KMT2C: variants seen among roughly 807,000 people sequenced by gnomAD.
KMT2C encodes the protein lysine methyltransferase 2C, also known as histone-lysine N-methyltransferase 2C.
A neutral mutation model predicts 507.9 loss-of-function variants in KMT2C; 88 were observed. The ratio of observed to expected loss-of-function variants is 0.17; its 90% CI spans 0.15 to 0.21. The LOEUF (loss-of-function observed/expected upper bound fraction) is 0.21, where lower values mean the gene tolerates loss of function less well. Ranked by LOEUF, KMT2C falls within the 10% of genes least tolerant of loss-of-function variation. The probability of loss-of-function intolerance (pLI) is 1.00; values close to 1 mark genes in which losing one functional copy is unlikely to be tolerated. For missense variants in KMT2C, 4,954 were observed against 5,957.8 expected (o/e 0.83, Z 5.55); for synonymous variants, 2,049 against 2,080.8 (o/e 0.98, Z 0.42).
chr7:152,250,977 A>T lies in KMT2C; in HGVS notation c.1622-11T>A. The T allele has an allele frequency of 7.0e-7, 1 of 1,419,998 alleles. No homozygotes were observed. Among genetic ancestry groups the T allele is most frequent in the South Asian group, 1.2e-5 (1 of 85,446 alleles). The allele number at this position is 1,419,998 out of a possible 1,614,324, so 88.0% of individuals were successfully genotyped here. On this transcript the variant is annotated splice_polypyrimidine_tract_variant and intron_variant, in intron 11 of 58. Coordinates refer to ENST00000262189, the MANE Select transcript of KMT2C (RefSeq NM_170606.3). ...TTTCATTGTTATAATCTTAACAAAA[A>T]ATTATTAATTCTTTAGCTCAGAATG...
intron 23 of KMT2C, 61 bp from the exon 24 acceptor site, chr7:152,207,489 A>C (rs1449980412): frequency 7.0e-7 from 1 of 1,438,814 alleles, no homozygotes; most frequent in African/African-American, 1.4e-5. Context: ...TAATCCCTAC[A>C]TAATGGGGAA....
rs1491309235 is a variant in KMT2C, at chr7:152,178,015, T to TTAAAAAAAAAAAA, written c.7443-6_7443-5insTTTTTTTTTTTTA. On this transcript the variant is annotated splice_polypyrimidine_tract_variant and splice_region_variant and intron_variant, in intron 37 of 58. Coordinates refer to ENST00000262189, the MANE Select transcript of KMT2C (RefSeq NM_170606.3). ...CTACCTCCTGGAAATCCAAATCTTT[T>TTAAAAAAAAAAAA]AAAAAAAAAAAAAAAAAAAAAAAAA... is the stretch of plus-strand genomic sequence containing the variant. 43 of 811,048 alleles carry TTAAAAAAAAAAAA rather than the reference T, an allele frequency of 5.3e-5. No individual in the cohort carries two copies. The South Asian group carries it at 5.7e-4, about 11-fold the overall frequency. The allele number at this position is 811,048 out of a possible 1,614,324, so 50.2% of individuals were successfully genotyped here. A position where few individuals can be genotyped will look rare whatever the true frequency, so the allele number is the denominator to read the frequency against.
chr7:152,388,548 A>ACC (rs1554701134), intron 1 of KMT2C, among the ~76,000 whole-genome samples: 4 of 144,134 alleles, frequency 2.8e-5, no homozygotes, highest in African/African-American at 1.1e-4. Context: ...ACAGAGCGAG[A>ACC]CTGTCTCAAA....
At chr7:152,312,761 G>C (rs1341975462) in intron 4 of KMT2C, among the ~76,000 whole-genome samples, 1 of 152,144 alleles carries the variant, frequency 6.6e-6, no homozygotes, top group Non-Finnish European at 1.5e-5. Flanking sequence ...AATGGCTATT[G>C]TACTTAATTA....
chr7:152,289,019 A>G (rs552224502), intron 6 of KMT2C, among the ~76,000 whole-genome samples: 10 of 152,428 alleles, frequency 6.6e-5, no homozygotes, highest in Admixed American at 3.3e-4. Context: ...AACTACACCA[A>G]AAGAATAGTG....
rs2093220919 is a variant in KMT2C, at chr7:152,176,586, G to A, written c.8867C>T (p.Pro2956Leu). ...SPSNHVSSLP[P>L]FIAPPGRVLD... ...AACACGGCCAGGCGGTGCTATGAAA[G>A]GAGGCAAACTTGACACATGATTGGA... Residue 2956 changes from proline (P) to leucine (L), a missense_variant, in exon 38 of 59, where the codon CCT becomes CTT. By Grantham distance (98) the Pro-to-Leu change is moderately conservative. Transcript: ENST00000262189. The A allele has an allele frequency of 6.2e-7, 1 of 1,614,178 alleles. No homozygotes were observed. The highest frequency in any genetic ancestry group is 8.5e-7 in the Non-Finnish European group (1 of 1,180,018).
chr7:152,166,198 C>T (rs1230698278), intron 42 of KMT2C, among the ~76,000 whole-genome samples: 1 of 150,428 alleles, frequency 6.6e-6, no homozygotes, highest in Non-Finnish European at 1.5e-5. Flanking sequence ...GCTCGGCTCA[C>T]CACAACCTCT....
At position 152,183,099 on chromosome 7, in the gene KMT2C, C is replaced by G. The variant is rs375389693; in HGVS notation, c.5140G>C (p.Asp1714His). The change falls in exon 35 of 59, where the codon GAT becomes CAT. Residue 1714 changes from aspartate (D) to histidine (H), a missense_variant. Coordinates refer to ENST00000262189, the MANE Select transcript of KMT2C (RefSeq NM_170606.3). ...LRINKVQMSN[D>H]SMKRQQQQDS... ...TGCTGTTGCTGCCTTTTCATGGAAT[C>G]ATTTGACATCTGTACTTTATTAATG... 3.1e-6 allele frequency: 5 copies of G among 1,612,794 alleles called. No homozygotes were observed. The African/African-American group carries it at 6.7e-5, about 22-fold the overall frequency.
At chr7:152,425,492 G>A (rs565424671) in intron 1 of KMT2C, among the ~76,000 whole-genome samples, 20 of 152,206 alleles carry the variant, frequency 1.3e-4, no homozygotes, top group Non-Finnish European at 1.5e-4. Context: ...AAGGAGAATC[G>A]CTGGAACCAG....
At chr7:152,202,024 C>T (rs950346623) in intron 26 of KMT2C, among the ~76,000 whole-genome samples, 37 of 152,106 alleles carry the variant, frequency 2.4e-4, no homozygotes, top group African/African-American at 7.7e-4. Context: ...AGTTGAAAGG[C>T]AATGTATTTT....
intron 3 of KMT2C, among the ~76,000 whole-genome samples, chr7:152,316,568 T>C (rs1021438755): frequency 2.6e-5 from 4 of 152,114 alleles, no homozygotes; most frequent in African/African-American, 9.7e-5. Flanking sequence ...TATACCCAAA[T>C]CCTCCTTCTT....
intron 43 of KMT2C, among the ~76,000 whole-genome samples, chr7:152,159,971 T>C (rs1056642311): frequency 2.0e-5 from 3 of 152,222 alleles, no homozygotes; most frequent in Non-Finnish European, 2.9e-5. Flanking sequence ...AGCCAGATGA[T>C]AAATATTGTA....
In KMT2C at chr7:152,220,562, A is replaced by G; in HGVS notation, c.3673T>C (p.Ser1225Pro). 8 of 1,611,666 alleles carry G rather than the reference A, an allele frequency of 5.0e-6. No homozygotes were observed. Among genetic ancestry groups the G allele is most frequent in the Non-Finnish European group, 5.9e-6 (7 of 1,179,566 alleles). Residue 1225 changes from serine to proline, a missense_variant, in exon 23 of 59, where the codon TCA becomes CCA. This residue lies in a region of KMT2C where 176 missense variants were observed against 262.0 expected (regional missense o/e 0.67). Coordinates refer to ENST00000262189, the MANE Select transcript of KMT2C (RefSeq NM_170606.3). Reference sequence around the variant, plus strand: ...ATTTCACCATCCCTTGAATGCTCTGATTGGATGTCTGGAGGGGTCTGAAGG... The same window carrying G: ...ATTTCACCATCCCTTGAATGCTCTGGTTGGATGTCTGGAGGGGTCTGAAGG... ...AVLQTPPDIQSEHSRDGEMDD... is the reference protein window; with the variant it reads ...AVLQTPPDIQPEHSRDGEMDD...
chr7:152,353,926 T>C (rs986936489), intron 2 of KMT2C, among the ~76,000 whole-genome samples: 9 of 152,176 alleles, frequency 5.9e-5, no homozygotes, highest in African/African-American at 2.2e-4. Context: ...TGCAGCAAAC[T>C]TGAATGTGCT....
chr7:152,362,865 A>G (rs955513252), intron 1 of KMT2C, among the ~76,000 whole-genome samples: 3 of 152,142 alleles, frequency 2.0e-5, no homozygotes, highest in Non-Finnish European at 2.9e-5. Context: ...TCTGATTTCT[A>G]TTCTTGGTTT....
rs566020227 is a variant in KMT2C at position 152,195,931 on chromosome 7, G to C, written c.4354C>G (p.Leu1452Val). The C allele has an allele frequency of 1.1e-5, 18 of 1,602,226 alleles. No individual in the cohort carries two copies. Among genetic ancestry groups the C allele is most frequent in the Non-Finnish European group, 1.5e-5 (18 of 1,170,954 alleles). The stretch of plus-strand genomic sequence containing the variant: ...CCTGAATGATCAACTGATTTTGCTA[G>C]ATCATCTGAAATTATTCCAAGAATG... ...DDILGIISDD[L>V]AKSVDHSDIG... Residue 1452 changes from leucine (L) to valine (V), a missense_variant, in exon 28 of 59, where the codon CTA (leucine) becomes GTA (valine). This residue lies in a region of KMT2C where 140 missense variants were observed against 118.4 expected (regional missense o/e 1.18). Coordinates refer to ENST00000262189, the MANE Select transcript of KMT2C (RefSeq NM_170606.3).
chr7:152,254,362 C>T (rs2095610980), intron 9 of KMT2C, among the ~76,000 whole-genome samples: 1 of 152,084 alleles, frequency 6.6e-6, no homozygotes, highest in Non-Finnish European at 1.5e-5. Flanking sequence ...TCTAATACCA[C>T]ATTAAGAAAA....
chr7:152,248,139 C>T lies in KMT2C; in HGVS notation c.2295G>A (p.Glu765=), dbSNP rs2095506783. ...QGGKSIKLSS[E]TESSFSSSAD... is the part of the protein sequence containing the mutation. Reference sequence around the variant, plus strand: ...CTGATGATGAAAATGATGACTCTGTCTCAGATGATAACTTTATAGATTTGC... The same window carrying T: ...CTGATGATGAAAATGATGACTCTGTTTCAGATGATAACTTTATAGATTTGC... The change falls in exon 14 of 59, where the codon GAG becomes GAA. Residue 765 remains glutamate (E), a synonymous_variant. Transcript: ENST00000262189. 12 of 1,614,182 alleles carry T rather than the reference C, an allele frequency of 7.4e-6. No homozygotes were observed. Among genetic ancestry groups the T allele is most frequent in the Non-Finnish European group, 9.3e-6 (11 of 1,179,996 alleles).
intron 40 of KMT2C, 64 bp downstream of exon 40, chr7:152,171,200 G>T: frequency 9.1e-7 from 1 of 1,093,480 alleles, no homozygotes; most frequent in South Asian, 1.5e-5. Flanking sequence ...TTACTCTAAA[G>T]CATGAGTTTG....
Sources: gnomAD v4.1 joint callset for allele counts (sites outside exome capture counted in the v4.1 genomes callset) on GRCh38, gnomAD v4.1.1 for gene constraint, gnomAD v4.1.1 regional missense constraint, MANE v1.5 for transcripts, NCBI Gene and HGNC (gene_info 2026-07-23, HGNC 2026-07-21) for gene names.